PTPRD: variants seen among roughly 807,000 people sequenced by gnomAD.
PTPRD encodes the protein receptor-type tyrosine-protein phosphatase delta.
A neutral mutation model predicts 214.5 loss-of-function variants in PTPRD; 34 were observed. The ratio of observed to expected loss-of-function variants is 0.16; its 90% CI spans 0.12 to 0.21. PTPRD has a LOEUF of 0.21. PTPRD is among the 10% of genes least tolerant of loss of function. PTPRD has a pLI of 1.00. For synonymous variants in PTPRD, 1,128 were observed against 845.7 expected (o/e 1.33, Z -5.79); for missense variants, 2,545 against 2,398.7 (o/e 1.06, Z -1.27).
At chr9:10,010,729 T>G (rs905810364) in intron 4 of PTPRD, among the ~76,000 whole-genome samples, 6 of 151,912 alleles carry the variant, frequency 3.9e-5, no homozygotes, top group African/African-American at 1.2e-4. Flanking sequence ...AAATCGAGGT[T>G]TGAAAACAAT....
chr9:8,407,151 G>T (rs1342105604), intron 35 of PTPRD, among the ~76,000 whole-genome samples: 1 of 152,150 alleles, frequency 6.6e-6, no homozygotes, highest in African/African-American at 2.4e-5. Context: ...CATGAGTTGT[G>T]TGCCACCTAT....
intron 10 of PTPRD, among the ~76,000 whole-genome samples, chr9:9,028,050 T>C (rs1035052303): frequency 1.3e-5 from 2 of 151,892 alleles, no homozygotes; most frequent in Non-Finnish European, 2.9e-5. Context: ...TACCCCACCA[T>C]TGCATTTACC....
At chr9:9,706,898 CA>C (rs1162668575) in intron 7 of PTPRD, among the ~76,000 whole-genome samples, 1 of 151,936 alleles carries the variant, frequency 6.6e-6, no homozygotes, top group African/African-American at 2.4e-5. Flanking sequence ...AACAAAAAGG[CA>C]AAAAGCAATT....
intron 5 of PTPRD, among the ~76,000 whole-genome samples, chr9:9,934,756 G>A (rs537876421): frequency 2.8e-4 from 42 of 151,622 alleles, no homozygotes; most frequent in Admixed American, 2.1e-3. Context: ...TACCAAAGCC[G>A]GGCAGAGACA....
intron 11 of PTPRD, among the ~76,000 whole-genome samples, chr9:8,877,534 AT>A (rs944097882): frequency 3.7e-4 from 57 of 152,286 alleles, no homozygotes; most frequent in African/African-American, 1.4e-3. Flanking sequence ...TGAGCATATT[AT>A]CTTTTTGTTA....
chr9:8,803,963 C>A (rs1473242146), intron 11 of PTPRD, among the ~76,000 whole-genome samples: 1 of 151,544 alleles, frequency 6.6e-6, no homozygotes, highest in Non-Finnish European at 1.5e-5. Context: ...CTTCCCTCCA[C>A]CCCCCCACAG....
rs150395728 is a variant in PTPRD at position 9,763,818 on chromosome 9, G to T, written c.-326+2992C>A. The stretch of plus-strand genomic sequence containing the variant: ...ACCCCTAAGTACTTTAATTCCTTTT[G>T]TCATGTCACAGAAAGAATTGAAAAT... On this transcript the variant is annotated intron_variant, in intron 6 of 45. Transcript: ENST00000381196. Among the ~76,000 whole-genome samples the T allele has an allele frequency of 2.9e-3, 436 of 151,964 alleles. 5 individuals are homozygous for T. Among genetic ancestry groups the T allele is most frequent in the African/African-American group, 0.01 (419 of 41,452 alleles).
chr9:10,212,849 G>A (rs1333516080), intron 3 of PTPRD, among the ~76,000 whole-genome samples: 1 of 152,104 alleles, frequency 6.6e-6, no homozygotes, highest in Non-Finnish European at 1.5e-5. Flanking sequence ...TTTCCCACAA[G>A]GCTTGAGTGA....
chr9:8,659,251 G>A (rs2096980485), intron 12 of PTPRD, among the ~76,000 whole-genome samples: 1 of 152,192 alleles, frequency 6.6e-6, no homozygotes, highest in African/African-American at 2.4e-5. Context: ...AGTGAATGCT[G>A]AGACACTTTG....
chr9:8,625,634 T>C (rs1487049573), intron 14 of PTPRD, among the ~76,000 whole-genome samples: 1 of 151,670 alleles, frequency 6.6e-6, no homozygotes, highest in African/African-American at 2.4e-5. Flanking sequence ...ATCTCAATAG[T>C]GCTACACTTA....
chr9:9,153,354 C>A (rs183252143), intron 10 of PTPRD, among the ~76,000 whole-genome samples: 72 of 152,192 alleles, frequency 4.7e-4, no homozygotes, highest in African/African-American at 1.5e-3. Flanking sequence ...GCGCTGTATA[C>A]GATATAACAG....
intron 5 of PTPRD, among the ~76,000 whole-genome samples, chr9:9,819,931 T>C (rs1031000331): frequency 5.3e-5 from 8 of 152,194 alleles, no homozygotes. Context: ...ATCTTTGCTA[T>C]TGTGAATAGC....
At chr9:9,593,717 G>A (rs2093000906) in intron 7 of PTPRD, among the ~76,000 whole-genome samples, 1 of 151,934 alleles carries the variant, frequency 6.6e-6, no homozygotes, top group African/African-American at 2.4e-5. Flanking sequence ...GGTCACTGAG[G>A]AACACAATGA....
At chr9:9,602,289 G>A (rs2093831286) in intron 7 of PTPRD, among the ~76,000 whole-genome samples, 1 of 151,972 alleles carries the variant, frequency 6.6e-6, no homozygotes. Flanking sequence ...AGGCATTTTA[G>A]GCCTTTTCAA....
rs137962439 is a variant in PTPRD at position 9,779,962 on chromosome 9, TTCA to T, written c.-367-13114_-367-13112del. On this transcript the variant is annotated intron_variant, in intron 5 of 45. Transcript: ENST00000381196. ...CCAAAAAGACACATACGCTCATATG[TTCA>T]TCATTGTGTCATTCATCATAGCGAA... 4.3e-3 allele frequency among the ~76,000 whole-genome samples: 659 copies of T among 152,326 alleles called. 5 individuals carry two copies. The highest frequency in any genetic ancestry group is 0.017 in the Middle Eastern group (5 of 294).
intron 10 of PTPRD, among the ~76,000 whole-genome samples, chr9:9,043,686 G>A (rs941575762): frequency 3.3e-5 from 5 of 151,950 alleles, no homozygotes; most frequent in Admixed American, 1.3e-4. Context: ...GGCGGATCAC[G>A]TGAGGCCAGA....
At chr9:9,463,001 G>A (rs894248138) in intron 8 of PTPRD, among the ~76,000 whole-genome samples, 1 of 152,114 alleles carries the variant, frequency 6.6e-6, no homozygotes, top group Non-Finnish European at 1.5e-5. Flanking sequence ...ACTACCAAAA[G>A]TAAAAAAGAT....
chr9:9,721,601 C>T (rs192877473), intron 7 of PTPRD, among the ~76,000 whole-genome samples: 247 of 152,152 alleles, frequency 1.6e-3, no homozygotes, highest in Non-Finnish European at 2.9e-3. Context: ...CATGATGCTA[C>T]GGGAGTTAAA....
At chr9:9,099,796 A>G (rs2099788834) in intron 10 of PTPRD, among the ~76,000 whole-genome samples, 1 of 152,162 alleles carries the variant, frequency 6.6e-6, no homozygotes, top group Admixed American at 6.5e-5. Flanking sequence ...ACCTCATTGA[A>G]AGGATAAGTC....
Sources: allele counts gnomAD v4.1 joint callset (sites outside exome capture counted in the v4.1 genomes callset), GRCh38; gene constraint gnomAD v4.1.1; transcripts MANE v1.5; gene names NCBI Gene and HGNC (gene_info 2026-07-23, HGNC 2026-07-21).